Variants in RNF11 observed in about 807,000 individuals in gnomAD.
RNF11 encodes ring finger protein 11.
RNF11 carries 4 observed loss-of-function variants against 15.8 expected under a neutral mutation model. The observed-to-expected ratio is 0.25, with a 90% CI of 0.12 to 0.58. The LOEUF (loss-of-function observed/expected upper bound fraction) is 0.58. RNF11 is among the 20% of genes least tolerant of loss of function. The pLI is 0.91. For missense variants in RNF11, 139 were observed against 194.4 expected (o/e 0.71, Z 1.70); for synonymous variants, 68 against 72.3 (o/e 0.94, Z 0.30).
chr1:51,242,143 G>A (rs1403311759), intron 1 of RNF11, among the ~76,000 whole-genome samples: 2 of 152,148 alleles, frequency 1.3e-5, no homozygotes, highest in Non-Finnish European at 1.5e-5. Context: ...TTGAATGCAA[G>A]TATAGCTCTG....
intron 1 of RNF11, among the ~76,000 whole-genome samples, chr1:51,269,481 TA>T (rs993533377): frequency 6.6e-6 from 1 of 152,190 alleles, no homozygotes; most frequent in African/African-American, 2.4e-5. Context: ...TTTTGTTGTG[TA>T]AAAAATCAGT....
intron 1 of RNF11, chr1:51,251,118 C>T (rs1040264435): frequency 8.4e-6 from 13 of 1,550,446 alleles, no homozygotes; most frequent in Middle Eastern, 1.8e-4. Flanking sequence ...GAACCTGGTG[C>T]GCTGGCCAGC....
chr1:51,267,385 T>C (rs1254526144), intron 1 of RNF11, among the ~76,000 whole-genome samples: 4 of 152,190 alleles, frequency 2.6e-5, no homozygotes, highest in African/African-American at 9.7e-5. Context: ...ATAGGAGGGC[T>C]CTTAGGACTT....
At chr1:51,246,675 A>G (rs2148066547) in intron 1 of RNF11, among the ~76,000 whole-genome samples, 1 of 152,324 alleles carries the variant, frequency 6.6e-6, no homozygotes, top group South Asian at 2.1e-4. Flanking sequence ...TAGGCAACAC[A>G]GTGAGACTCC....
chr1:51,237,440 G>GCGTATA (rs1646809867), intron 1 of RNF11, among the ~76,000 whole-genome samples: 1 of 128,276 alleles, frequency 7.8e-6, no homozygotes, highest in Admixed American at 7.9e-5. Context: ...ATATATATAT[G>GCGTATA]TGTATATATA....
At position 51,272,088 on chromosome 1, in the gene RNF11, A is replaced by T. The variant is rs760194952; in HGVS notation, c.*766A>T. The stretch of plus-strand genomic sequence containing the variant: ...GTGGGGTTTAATATTACCCTTTCCT[A>T]TGTGTTTTATCTAATTATTTTGGTT... On this transcript the variant is annotated 3_prime_UTR_variant, in exon 3 of 3. Coordinates refer to ENST00000242719, the MANE Select transcript of RNF11 (RefSeq NM_014372.5). The T allele has an allele frequency of 2.0e-5, 3 of 152,530 alleles. No individual in the cohort carries two copies. Among genetic ancestry groups the T allele is most frequent in the South Asian group, 2.1e-4 (1 of 4,834 alleles). 9.4% of individuals were successfully genotyped at this position (152,530 alleles called of 1,614,324 possible).
At chr1:51,256,576 C>T (rs1039215716) in intron 1 of RNF11, among the ~76,000 whole-genome samples, 1 of 152,070 alleles carries the variant, frequency 6.6e-6, no homozygotes, top group African/African-American at 2.4e-5. Flanking sequence ...TGGGTAAATA[C>T]CAAAGGGTGC....
At chr1:51,268,704 A>G (rs2148075100) in intron 1 of RNF11, among the ~76,000 whole-genome samples, 1 of 152,352 alleles carries the variant, frequency 6.6e-6, no homozygotes, top group African/African-American at 2.4e-5. Flanking sequence ...CAGCTCATCA[A>G]AACTGGTCAA....
At chr1:51,241,233 G>T (rs777495671) in intron 1 of RNF11, among the ~76,000 whole-genome samples, 5 of 152,154 alleles carry the variant, frequency 3.3e-5, no homozygotes, top group Non-Finnish European at 5.9e-5. Context: ...GGTTACAGGT[G>T]CACTTCTACT....
intron 1 of RNF11, among the ~76,000 whole-genome samples, chr1:51,247,029 C>T (rs551687757): frequency 6.6e-6 from 1 of 151,218 alleles, no homozygotes; most frequent in Admixed American, 6.6e-5. Context: ...CAGTTGATTC[C>T]TTACCAGTAA....
intron 1 of RNF11, among the ~76,000 whole-genome samples, chr1:51,258,842 C>T (rs1016179023): frequency 6.6e-6 from 1 of 152,148 alleles, no homozygotes; most frequent in African/African-American, 2.4e-5. Context: ...ACTAAGGCAC[C>T]AATTCCTATC....
At chr1:51,248,746 AT>A (rs1260837804) in intron 1 of RNF11, among the ~76,000 whole-genome samples, 1 of 152,180 alleles carries the variant, frequency 6.6e-6, no homozygotes, top group Non-Finnish European at 1.5e-5. Flanking sequence ...CCTTTGGATA[AT>A]CTTACTTGGA....
At position 51,266,895 on chromosome 1, in the gene RNF11, G is replaced by A. The variant is rs377107111; in HGVS notation, c.124-3061G>A. Among the ~76,000 whole-genome samples, 33 of 152,294 alleles carry A rather than the reference G, an allele frequency of 2.2e-4. 2 individuals carry two copies. Among genetic ancestry groups the A allele is most frequent in the African/African-American group, 7.0e-4 (29 of 41,548 alleles). ...GAGTCCCAACTGTGTGCCAGATACC[G>A]TGCTGAGTAGGTAGTAAACATTGGT... is the stretch of plus-strand genomic sequence containing the variant. On this transcript the variant is annotated intron_variant, in intron 1 of 2. Coordinates refer to ENST00000242719, the MANE Select transcript of RNF11 (RefSeq NM_014372.5).
At position 51,251,294 on chromosome 1, in the gene RNF11, G is replaced by A. The variant is rs185214425; in HGVS notation, c.123+14415G>A. 947 of 1,458,420 alleles carry A rather than the reference G, an allele frequency of 6.5e-4. 10 individuals carry two copies. In the East Asian group the frequency reaches 0.018, roughly 27 times the overall value. 90.3% of individuals were successfully genotyped at this position (1,458,420 alleles called of 1,614,324 possible). A position where few individuals can be genotyped will look rare whatever the true frequency, so the allele number is the denominator to read the frequency against. On this transcript the variant is annotated intron_variant, in intron 1 of 2. Coordinates refer to ENST00000242719, the MANE Select transcript of RNF11 (RefSeq NM_014372.5). The stretch of plus-strand genomic sequence containing the variant: ...TCACCAAGCAGCCCAGCTTGGTGAC[G>A]GGCATCCACTCCTTATCCTCGGCCT...
intron 1 of RNF11, among the ~76,000 whole-genome samples, chr1:51,243,436 T>TATC (rs1207133139): frequency 6.6e-6 from 1 of 151,968 alleles, no homozygotes; most frequent in African/African-American, 2.4e-5. Flanking sequence ...TGATTGTTAT[T>TATC]ATTATTATTA....
intron 1 of RNF11, among the ~76,000 whole-genome samples, chr1:51,241,392 C>CA (rs748414227): frequency 7.2e-5 from 11 of 152,220 alleles, no homozygotes; most frequent in Non-Finnish European, 1.6e-4. Flanking sequence ...CTTGTGGCTT[C>CA]AGCCTCCTGA....
At chr1:51,243,902 A>G (rs1024211083) in intron 1 of RNF11, among the ~76,000 whole-genome samples, 1 of 152,112 alleles carries the variant, frequency 6.6e-6, no homozygotes, top group Non-Finnish European at 1.5e-5. Flanking sequence ...TATTCCATGT[A>G]TGTCTTCTGC....
chr1:51,271,198 T>C lies in RNF11; in HGVS notation c.341T>C (p.Phe114Ser). ...TTTGTTTATGGGGACCCAATTCGAT[T>C]TCTGCCGTGCATGCACATCTATCAC... ...MDFVYGDPIR[F>S]LPCMHIYHLD... Residue 114 changes from phenylalanine to serine, a missense_variant, in exon 3 of 3, where the codon TTT (phenylalanine) becomes TCT (serine). Physicochemically the swap from Phe to Ser is radical, Grantham distance 155 (BLOSUM62 -2). Coordinates refer to ENST00000242719, the MANE Select transcript of RNF11 (RefSeq NM_014372.5). 1 of 1,614,132 alleles carries C rather than the reference T, an allele frequency of 6.2e-7. No individual in the cohort carries two copies. Among genetic ancestry groups the C allele is most frequent in the Non-Finnish European group, 8.5e-7 (1 of 1,179,976 alleles).
chr1:51,250,641 A>G, intron 1 of RNF11: 3 of 775,232 alleles, frequency 3.9e-6, no homozygotes, highest in East Asian at 2.5e-5. Context: ...CTGCACGGAG[A>G]CTCTGGCGTG....
Sources: gnomAD v4.1 joint callset for allele counts (sites outside exome capture counted in the v4.1 genomes callset) on GRCh38, gnomAD v4.1.1 for gene constraint, MANE v1.5 for transcripts, NCBI Gene and HGNC (gene_info 2026-07-23, HGNC 2026-07-21) for gene names.